The following TEX15 variants were observed in gnomAD, a reference collection of about 807,000 sequenced individuals.
The protein encoded by TEX15 is testis-expressed protein 15.
In TEX15, 171 loss-of-function variants were observed where a neutral mutation model predicts 237.3. That is an observed-to-expected ratio of 0.72 (90% CI 0.64 to 0.82). TEX15 has a LOEUF of 0.82. TEX15 is among the 40% of genes least tolerant of loss of function. TEX15 has a pLI of 0.00. For synonymous variants in TEX15, 1,338 were observed against 1,269.8 expected (o/e 1.05, Z -1.14); for missense variants, 3,750 against 3,646.5 (o/e 1.03, Z -0.73).
rs199659098 is a variant in TEX15, at chr8:30,847,495, T to G, written c.2672A>C (p.His891Pro). The G allele has an allele frequency of 1.9e-6, 3 of 1,613,526 alleles. No individual in the cohort carries two copies. The highest frequency in any genetic ancestry group is 1.3e-5 in the African/African-American group (1 of 75,034). Residue 891 changes from histidine to proline, a missense_variant, in exon 8 of 11, where the codon CAT becomes CCT. Transcript: ENST00000643185. The part of the protein sequence containing the change: ...NIYGDKKQDS[H>P]TNENFSNIDE... ...TATATTGCTGAAATTTTCGTTTGTATGAGAATCCTGCTTTTTGTCTCCATA... is the reference window on the plus strand; with the variant it reads ...TATATTGCTGAAATTTTCGTTTGTAGGAGAATCCTGCTTTTTGTCTCCATA...
chr8:30,872,822 TTG>T (rs1163481420), intron 4 of TEX15, among the ~76,000 whole-genome samples: 1 of 152,178 alleles, frequency 6.6e-6, no homozygotes, highest in Non-Finnish European at 1.5e-5. Context: ...CACAACGTAT[TTG>T]TGTTTTAAGC....
At position 30,845,512 on chromosome 8, in the gene TEX15, C is replaced by T. The variant is rs777756278; in HGVS notation, c.4655G>A (p.Gly1552Glu). 1.7e-5 allele frequency: 28 copies of T among 1,613,328 alleles called. No homozygotes were observed. The African/African-American group carries it at 3.5e-4, about 20-fold the overall frequency. The change falls in exon 8 of 11, where the codon GGA becomes GAA. Residue 1552 changes from glycine to glutamate, a missense_variant. By Grantham distance (98) the Gly-to-Glu change is moderately conservative (BLOSUM62 -2). Coordinates refer to ENST00000643185, the MANE Select transcript of TEX15 (RefSeq NM_001350162.2). ...SLSEEHQPFS[G>E]KTAYLFSPDH... The stretch of plus-strand genomic sequence containing the variant: ...TGGGGAAAACAGATATGCAGTTTTT[C>T]CAGAAAAGGGCTGATGTTCTTCTGA...
chr8:30,868,073 G>A (rs947078556), intron 4 of TEX15, among the ~76,000 whole-genome samples: 10 of 151,942 alleles, frequency 6.6e-5, no homozygotes, highest in Admixed American at 4.6e-4. Context: ...GCACACACAT[G>A]CACAAATATA....
intron 2 of TEX15, among the ~76,000 whole-genome samples, chr8:30,894,398 T>C (rs1808853854): frequency 1.3e-5 from 2 of 152,226 alleles, no homozygotes; most frequent in African/African-American, 4.8e-5. Context: ...TTTGTGTGTG[T>C]TATCGTTTGT....
At position 30,847,498 on chromosome 8, in the gene TEX15, G is replaced by T. The variant is rs752145411; in HGVS notation, c.2669C>A (p.Ser890Tyr). 5 of 1,613,334 alleles carry T rather than the reference G, an allele frequency of 3.1e-6. No homozygotes were observed. The highest frequency in any genetic ancestry group is 1.7e-4 in the Middle Eastern group (1 of 6,058). Residue 890 changes from serine (S) to tyrosine (Y), a missense_variant, in exon 8 of 11, where the codon TCT becomes TAT. Transcript: ENST00000643185. ...ATTGCTGAAATTTTCGTTTGTATGA[G>T]AATCCTGCTTTTTGTCTCCATATAT... ...ENIYGDKKQD[S>Y]HTNENFSNID...
rs761823947 is a variant in TEX15 at position 30,849,294 on chromosome 8, G to T, written c.873C>A (p.Asn291Lys). 6.6e-7 allele frequency: 1 copy of T among 1,522,580 alleles called. No homozygotes were observed. Among genetic ancestry groups the T allele is most frequent in the South Asian group, 1.2e-5 (1 of 81,348 alleles). The allele number at this position is 1,522,580 out of a possible 1,614,324, so 94.3% of individuals were successfully genotyped here. The change falls in exon 8 of 11, where the codon AAC (asparagine) becomes AAA (lysine). Residue 291 changes from asparagine to lysine, a missense_variant. Asn to Lys is a moderately conservative substitution (Grantham distance 94). Transcript: ENST00000643185. ...TTCCAAATCTTTTGGCCACTGTACAGTTATTCAGAGAGCATGTCCTTTCTG... is the reference window on the plus strand; with the variant it reads ...TTCCAAATCTTTTGGCCACTGTACATTTATTCAGAGAGCATGTCCTTTCTG... Reference protein sequence around the residue: ...KRAERTCSLNNCTVAKRFGKG... With the variant: ...KRAERTCSLNKCTVAKRFGKG...
At position 30,844,607 on chromosome 8, in the gene TEX15, TTG is replaced by T; in HGVS notation, c.5558_5559del (p.Ala1853GlufsTer11). 1 of 1,613,388 alleles carries T rather than the reference TTG, an allele frequency of 6.2e-7. No homozygotes were observed. The highest frequency in any genetic ancestry group is 8.5e-7 in the Non-Finnish European group (1 of 1,179,594). ...ATGCTTCTTTTGTAAACAGAATCTT[TTG>T]CTTTTTCCGCTTGTTTAACTTTCCA... ...ITWKVKQAEK[A>X]KDSVYKRSMT... is the part of the protein sequence containing the mutation. On this transcript the variant is annotated frameshift_variant, in exon 8 of 11. Coordinates refer to ENST00000643185, the MANE Select transcript of TEX15 (RefSeq NM_001350162.2). LOFTEE classifies it high-confidence loss of function.
At chr8:30,851,496 T>G (rs1807782615) in intron 7 of TEX15, among the ~76,000 whole-genome samples, 2 of 148,854 alleles carry the variant, frequency 1.3e-5, no homozygotes, top group African/African-American at 2.5e-5. Context: ...CCAGACGTGG[T>G]GGTGTGTGCC....
At chr8:30,853,413 A>G (rs1807833820) in intron 7 of TEX15, among the ~76,000 whole-genome samples, 1 of 152,238 alleles carries the variant, frequency 6.6e-6, no homozygotes, top group Non-Finnish European at 1.5e-5. Context: ...GTGGGTTCCA[A>G]ATCCATGGAT....
At chr8:30,889,954 C>CGTGTATATATATATATATACGTATATAT (rs767323464) in intron 2 of TEX15, among the ~76,000 whole-genome samples, 1 of 110,086 alleles carries the variant, frequency 9.1e-6, no homozygotes, top group Non-Finnish European at 1.8e-5. Context: ...TATATATATA[C>CGTGTATATATATATATATACGTATATAT]ATATATATAT....
At chr8:30,891,071 C>G (rs55720932) in intron 2 of TEX15, among the ~76,000 whole-genome samples, 42 of 152,294 alleles carry the variant, frequency 2.8e-4, no homozygotes, top group Admixed American at 5.2e-4. Context: ...AGTCTCATTT[C>G]TGAATCATTT....
rs143253899 is a variant in TEX15, at chr8:30,848,613, A to G, written c.1554T>C (p.Tyr518=). The G allele has an allele frequency of 2.5e-5, 40 of 1,614,154 alleles. No homozygotes were observed. Among genetic ancestry groups the G allele is most frequent in the Middle Eastern group, 1.6e-4 (1 of 6,062 alleles). ...SWAHNMGSED[Y]DCIPPNKVTM... is the part of the protein sequence containing the mutation. ...TAACTTTATTGGGAGGTATACAGTC[A>G]TAGTCCTCAGAGCCCATGTTGTGAG... Residue 518 remains tyrosine (Y), a synonymous_variant, in exon 8 of 11, where the codon TAT becomes TAC. Transcript: ENST00000643185.
At chr8:30,871,693 G>T (rs1271752451) in intron 4 of TEX15, among the ~76,000 whole-genome samples, 5 of 151,964 alleles carry the variant, frequency 3.3e-5, no homozygotes, top group Non-Finnish European at 5.9e-5. Context: ...TTTCAAAAAC[G>T]CTCATTCACA....
In TEX15 at chr8:30,843,690, T is replaced by C; in HGVS notation, c.6477A>G (p.Glu2159=). 9.3e-6 allele frequency: 15 copies of C among 1,612,334 alleles called. No individual in the cohort carries two copies. The highest frequency in any genetic ancestry group is 1.3e-5 in the Non-Finnish European group (15 of 1,179,312). ...LVELLEETKR[E]KNSYYVFLKY... ...TTAAGAATACATAGTATGAATTCTTTTCCCTTTTTGTTTCTTCAAGCAATT... is the reference window on the plus strand; with the variant it reads ...TTAAGAATACATAGTATGAATTCTTCTCCCTTTTTGTTTCTTCAAGCAATT... The change falls in exon 8 of 11, where the codon GAA becomes GAG. Residue 2159 remains glutamate (E), a synonymous_variant. Coordinates refer to ENST00000643185, the MANE Select transcript of TEX15 (RefSeq NM_001350162.2).
intron 3 of TEX15, among the ~76,000 whole-genome samples, chr8:30,877,076 T>TA (rs1194326422): frequency 4.0e-5 from 6 of 151,876 alleles, no homozygotes; most frequent in South Asian, 4.2e-4. Flanking sequence ...AATCTTTTAT[T>TA]AAAAAAAATA....
intron 2 of TEX15, among the ~76,000 whole-genome samples, chr8:30,893,304 C>T (rs760791854): frequency 7.2e-5 from 11 of 152,220 alleles, no homozygotes; most frequent in Non-Finnish European, 1.2e-4. Flanking sequence ...CACTCAATCA[C>T]GAGGCAAATG....
intron 3 of TEX15, among the ~76,000 whole-genome samples, chr8:30,877,298 G>A (rs188861859): frequency 2.0e-5 from 3 of 152,260 alleles, no homozygotes; most frequent in African/African-American, 7.2e-5. Context: ...TGTTGATTGT[G>A]AATTTTACCA....
chr8:30,839,162 G>C (rs1227088870), intron 9 of TEX15, among the ~76,000 whole-genome samples: 2 of 151,900 alleles, frequency 1.3e-5, no homozygotes, highest in Non-Finnish European at 2.9e-5. Flanking sequence ...AATTGTATGA[G>C]GAAATATTAT....
chr8:30,894,758 GA>G (rs1266886469), intron 2 of TEX15, among the ~76,000 whole-genome samples: 1 of 152,168 alleles, frequency 6.6e-6, no homozygotes, highest in East Asian at 1.9e-4. Context: ...CAAACTGTTA[GA>G]AAACAAAAAA....
Sources: gnomAD v4.1 joint callset for allele counts (sites outside exome capture counted in the v4.1 genomes callset) on GRCh38, gnomAD v4.1.1 for gene constraint, MANE v1.5 for transcripts, NCBI Gene and HGNC (gene_info 2026-07-23, HGNC 2026-07-21) for gene names.